SEC11C: variants seen among roughly 807,000 people sequenced by gnomAD.
The protein encoded by SEC11C is signal peptidase complex catalytic subunit SEC11C.
SEC11C carries 10 observed loss-of-function variants against 21.9 expected under a neutral mutation model. That is an observed-to-expected ratio of 0.46 (90% CI 0.28 to 0.77). SEC11C has a LOEUF of 0.77. Ranked by LOEUF, SEC11C falls within the 30% of genes least tolerant of loss-of-function variation. The pLI, the probability that SEC11C is intolerant of heterozygous loss-of-function variation, is 0.12. For missense variants in SEC11C, 145 were observed against 244.5 expected (o/e 0.59, Z 2.71); for synonymous variants, 83 against 85.6 (o/e 0.97, Z 0.17).
At position 59,139,908 on chromosome 18, in the gene SEC11C, A is replaced by G. The variant is rs1467967852; in HGVS notation, c.-41A>G. 2 of 1,460,712 alleles carry G rather than the reference A, an allele frequency of 1.4e-6. No homozygotes were observed. The highest frequency in any genetic ancestry group is 2.7e-5 in the East Asian group (1 of 37,034). The allele number at this position is 1,460,712 out of a possible 1,614,324, so 90.5% of individuals were successfully genotyped here. On this transcript the variant is annotated 5_prime_UTR_variant, in exon 1 of 6. Transcript: ENST00000587834. ...CAGGTGCTCCGCAGCCGTCTGTGCC[A>G]CCCAGAGCCGGCGGGCCGCTAGGTC... is the stretch of plus-strand genomic sequence containing the variant.
chr18:59,153,167 G>C (rs990723950), intron 3 of SEC11C: 1 of 152,404 alleles, frequency 6.6e-6, no homozygotes, highest in Non-Finnish European at 1.5e-5. Flanking sequence ...TGATTTGGCC[G>C]TTGCATATTC....
chr18:59,152,212 A>G lies in SEC11C; in HGVS notation c.198-324A>G, dbSNP rs77516918. 2.4e-3 allele frequency among the ~76,000 whole-genome samples: 329 copies of G among 138,752 alleles called. 3 individuals carry two copies. The highest frequency in any genetic ancestry group is 9.4e-3 in the African/African-American group (314 of 33,372). 91.0% of individuals were successfully genotyped at this position (138,752 alleles called of 152,430 possible). On this transcript the variant is annotated intron_variant, in intron 2 of 5. Transcript: ENST00000587834. ...TGTCAGCCTGCAGTTCTGGAGGAAAACACTACTATATTTGTAGATGCAGGA... is the reference window on the plus strand; with the variant it reads ...TGTCAGCCTGCAGTTCTGGAGGAAAGCACTACTATATTTGTAGATGCAGGA...
chr18:59,153,277 A>G (rs2069380608), intron 3 of SEC11C: 1 of 152,232 alleles, frequency 6.6e-6, no homozygotes, highest in African/African-American at 2.4e-5. Context: ...GGAACCGGAA[A>G]CATTTACTTC....
In SEC11C at chr18:59,151,590, G is replaced by T. The variant is rs1231888285; in HGVS notation, c.198-946G>T. 2.0e-5 allele frequency among the ~76,000 whole-genome samples: 3 copies of T among 152,120 alleles called. No individual in the cohort carries two copies. In the South Asian group the frequency reaches 6.2e-4, roughly 32 times the overall value. ...GCTGCATTTCTCCCTGCCACCTTCTGCACCTGCTGAGATGTTCAAGGTGGG... is the reference window on the plus strand; with the variant it reads ...GCTGCATTTCTCCCTGCCACCTTCTTCACCTGCTGAGATGTTCAAGGTGGG... On this transcript the variant is annotated intron_variant, in intron 2 of 5. Coordinates refer to ENST00000587834, the MANE Select transcript of SEC11C (RefSeq NM_033280.4).
Position 59,158,720 on chromosome 18 carries a change from A to C in SEC11C, c.*35A>C. 3 of 1,553,252 alleles carry C rather than the reference A, an allele frequency of 1.9e-6. No individual in the cohort carries two copies. The highest frequency in any genetic ancestry group is 2.7e-6 in the Non-Finnish European group (3 of 1,124,924). On this transcript the variant is annotated 3_prime_UTR_variant, in exon 6 of 6. Coordinates refer to ENST00000587834, the MANE Select transcript of SEC11C (RefSeq NM_033280.4). The stretch of plus-strand genomic sequence containing the variant: ...CAGTTCCTGGGACCAGATTGAAATG[A>C]ATTCTGTTGAAAAAGAGAAAAACTA...
At chr18:59,153,188 T>C (rs2069379138) in intron 3 of SEC11C, 1 of 152,440 alleles carries the variant, frequency 6.6e-6, no homozygotes, top group Non-Finnish European at 1.5e-5. Flanking sequence ...TGCATTACTT[T>C]TCCACCGCCC....
intron 1 of SEC11C, among the ~76,000 whole-genome samples, chr18:59,141,432 C>T (rs1200245878): frequency 2.0e-5 from 3 of 152,158 alleles, no homozygotes; most frequent in African/African-American, 7.2e-5. Flanking sequence ...TTTAAAGTGT[C>T]TCTAAAATTG....
rs570202818 is a variant in SEC11C, at chr18:59,144,311, A to G, written c.87+4276A>G. 2.5e-3 allele frequency among the ~76,000 whole-genome samples: 376 copies of G among 152,334 alleles called. 2 individuals carry two copies. The highest frequency in any genetic ancestry group is 8.7e-3 in the African/African-American group (362 of 41,576). ...GAAGTAGGATTATGGGCCAAGAGTA[A>G]CCTCTTAATACTAATGCCAAATAGC... On this transcript the variant is annotated intron_variant, in intron 1 of 5. Coordinates refer to ENST00000587834, the MANE Select transcript of SEC11C (RefSeq NM_033280.4).
intron 1 of SEC11C, chr18:59,147,931 G>T (rs1452453505): frequency 6.6e-6 from 1 of 152,316 alleles, no homozygotes; most frequent in African/African-American, 2.4e-5. Context: ...AAGGACCTCA[G>T]ATGTACACAG....
chr18:59,140,744 A>G (rs1046558198), intron 1 of SEC11C, among the ~76,000 whole-genome samples: 53 of 152,236 alleles, frequency 3.5e-4, no homozygotes, highest in African/African-American at 1.2e-3. Flanking sequence ...TTGTGAGAGG[A>G]CCTCAGAGGA....
chr18:59,140,133 G>A, intron 1 of SEC11C, 98 bp downstream of exon 1: 4 of 1,122,174 alleles, frequency 3.6e-6, no homozygotes, highest in Non-Finnish European at 4.9e-6. Flanking sequence ...CAGTGAATGC[G>A]GCCGGGCGGC....
At chr18:59,143,383 A>G (rs1015904905) in intron 1 of SEC11C, among the ~76,000 whole-genome samples, 2 of 151,002 alleles carry the variant, frequency 1.3e-5, no homozygotes, top group African/African-American at 4.9e-5. Context: ...AAAGTGTGTA[A>G]CTTTAATGTT....
chr18:59,154,417 C>G (rs2069396107), intron 3 of SEC11C, among the ~76,000 whole-genome samples: 1 of 152,124 alleles, frequency 6.6e-6, no homozygotes, highest in African/African-American at 2.4e-5. Context: ...CTTTTTTCAT[C>G]TGTCTTACTG....
chr18:59,140,995 C>T (rs1475353616), intron 1 of SEC11C, among the ~76,000 whole-genome samples: 1 of 152,034 alleles, frequency 6.6e-6, no homozygotes, highest in African/African-American at 2.4e-5. Context: ...AAAAATGGGA[C>T]CTTCCAACCA....
chr18:59,158,456 GT>G (rs370394793), intron 5 of SEC11C, among the ~76,000 whole-genome samples, 175 bp from the exon 6 acceptor site: 113 of 152,300 alleles, frequency 7.4e-4, no homozygotes, highest in African/African-American at 2.5e-3. Flanking sequence ...ATATTTTTGG[GT>G]TTTTGACCAT....
chr18:59,152,694 G>C lies in SEC11C; in HGVS notation c.347+9G>C. On this transcript the variant is annotated intron_variant, in intron 3 of 5. Transcript: ENST00000587834. Reference sequence around the variant, plus strand: ...ATCAAAGTTCATGAAAAGTAAAGAGGCTTTATTTCCTTTTGGTTTTGTTAT... The same window carrying C: ...ATCAAAGTTCATGAAAAGTAAAGAGCCTTTATTTCCTTTTGGTTTTGTTAT... 6.3e-7 allele frequency: 1 copy of C among 1,577,066 alleles called. No individual in the cohort carries two copies. Among genetic ancestry groups the C allele is most frequent in the South Asian group, 1.2e-5 (1 of 84,234 alleles).
Position 59,149,527 on chromosome 18 carries a change from T to A in SEC11C, c.102T>A (p.Val34=). 6.2e-7 allele frequency: 1 copy of A among 1,609,618 alleles called. No individual in the cohort carries two copies. The highest frequency in any genetic ancestry group is 8.5e-7 in the Non-Finnish European group (1 of 1,176,332). ...TTTCATTCCAGCTCTATTACCAGGT[T>A]TTAAACTTCGCCATGATCGTGTCTT... ...KMNKRQLYYQ[V]LNFAMIVSSA... The change falls in exon 2 of 6, where the codon GTT becomes GTA. Residue 34 remains valine, a synonymous_variant. Transcript: ENST00000587834.
In SEC11C at chr18:59,149,674, T is replaced by A. The variant is rs754503617; in HGVS notation, c.197+52T>A. On this transcript the variant is annotated intron_variant, in intron 2 of 5. Coordinates refer to ENST00000587834, the MANE Select transcript of SEC11C (RefSeq NM_033280.4). Reference sequence around the variant, plus strand: ...CTCCAACCTCCATCACAAGGCTGCCTTGGGCCTGAGGAGCGGGGCAGCCTT... The same window carrying A: ...CTCCAACCTCCATCACAAGGCTGCCATGGGCCTGAGGAGCGGGGCAGCCTT... 4 of 1,227,286 alleles carry A rather than the reference T, an allele frequency of 3.3e-6. No homozygotes were observed. The Admixed American group carries it at 7.0e-5, about 21-fold the overall frequency. 76.0% of individuals were successfully genotyped at this position (1,227,286 alleles called of 1,614,324 possible).
chr18:59,149,799 G>A (rs1413099857), intron 2 of SEC11C, among the ~76,000 whole-genome samples, 177 bp downstream of exon 2: 1 of 151,902 alleles, frequency 6.6e-6, no homozygotes, highest in Non-Finnish European at 1.5e-5. Flanking sequence ...TTTTTTTCTG[G>A]CTTTTGAAAA....
Sources: allele counts gnomAD v4.1 joint callset (sites outside exome capture counted in the v4.1 genomes callset), GRCh38; gene constraint gnomAD v4.1.1; transcripts MANE v1.5; gene names NCBI Gene and HGNC (gene_info 2026-07-23, HGNC 2026-07-21).